The following CCSER1 variants were observed in gnomAD, a reference collection of about 807,000 sequenced individuals.
The protein encoded by CCSER1 is coiled-coil serine rich protein 1.
Under a neutral mutation model 82.0 loss-of-function variants are expected in CCSER1, and 41 were observed. The observed-to-expected ratio is 0.50, with a 90% CI of 0.39 to 0.65. CCSER1 has a LOEUF of 0.65. Ranked by LOEUF, CCSER1 falls within the 30% of genes least tolerant of loss-of-function variation. CCSER1 has a pLI of 0.00. For synonymous variants in CCSER1, 414 were observed against 383.9 expected, an observed-to-expected ratio of 1.08 and a Z score of -0.92; for missense variants, 1,119 against 1,064.2, an observed-to-expected ratio of 1.05 and a Z score of -0.72.
At chr4:90,318,589 G>A (rs1426402626) in intron 3 of CCSER1, among the ~76,000 whole-genome samples, 4 of 152,098 alleles carry the variant, frequency 2.6e-5, no homozygotes, top group East Asian at 1.9e-4. Flanking sequence ...GTTGCAGATC[G>A]TTAGCATCTC....
intron 9 of CCSER1, among the ~76,000 whole-genome samples, chr4:90,932,637 G>T (rs1205148294): frequency 6.6e-6 from 1 of 151,632 alleles, no homozygotes; most frequent in Non-Finnish European, 1.5e-5. Flanking sequence ...AGACCAGCCT[G>T]GCTAACATGG....
chr4:91,166,857 T>C (rs1732138578), intron 10 of CCSER1, among the ~76,000 whole-genome samples: 1 of 152,188 alleles, frequency 6.6e-6, no homozygotes, highest in African/African-American at 2.4e-5. Context: ...TGGGCAGAAA[T>C]AATTTTTTTT....
In CCSER1 at chr4:90,454,210, C is replaced by T. The variant is rs1158398361; in HGVS notation, c.1604-14024C>T. On this transcript the variant is annotated intron_variant, in intron 4 of 10. Transcript: ENST00000509176. ...TGCAAAGAGTCCATTAGAGCCTCTG[C>T]CTTTTCTTTTGTTTCATGTTTTTTT... 2.6e-5 allele frequency among the ~76,000 whole-genome samples: 4 copies of T among 151,540 alleles called. No homozygotes were observed. In the South Asian group the frequency reaches 6.3e-4, roughly 24 times the overall value.
rs1175690764 is a variant in CCSER1 at position 91,296,483 on chromosome 4, A to ATATATATATTTATTTATT, written c.2217+210492_2217+210493insATATATTTATTTATTTAT. Among the ~76,000 whole-genome samples the ATATATATATTTATTTATT allele has an allele frequency of 2.3e-3, 289 of 123,954 alleles. 9 individuals carry two copies. The highest frequency in any genetic ancestry group is 7.2e-3 in the African/African-American group (209 of 29,134). The allele number at this position is 123,954 out of a possible 152,430, so 81.3% of individuals were successfully genotyped here. ...TATATATATGTATATATATATATAT[A>ATATATATATTTATTTATT]TATTTTAATTAAATATACAGTTATC... On this transcript the variant is annotated intron_variant, in intron 10 of 10. Transcript: ENST00000509176.
rs1051494588 is a variant in CCSER1, at chr4:90,460,125, G to A, written c.1604-8109G>A. Among the ~76,000 whole-genome samples the A allele has an allele frequency of 1.1e-4, 16 of 145,916 alleles. 1 individual carries two copies. Among genetic ancestry groups the A allele is most frequent in the African/African-American group, 4.2e-4 (15 of 35,840 alleles). On this transcript the variant is annotated intron_variant, in intron 4 of 10. Transcript: ENST00000509176. Reference sequence around the variant, plus strand: ...GCGGATCACGAGGTCAGGAGATCGAGACCATCCTGGCTAACACGGTGAAAC... The same window carrying A: ...GCGGATCACGAGGTCAGGAGATCGAAACCATCCTGGCTAACACGGTGAAAC...
At chr4:91,100,706 G>T (rs567534352) in intron 10 of CCSER1, among the ~76,000 whole-genome samples, 39 of 152,238 alleles carry the variant, frequency 2.6e-4, no homozygotes, top group Middle Eastern at 3.4e-3. Context: ...AGTGCTTAAG[G>T]ACTATAGGTT....
intron 10 of CCSER1, among the ~76,000 whole-genome samples, chr4:91,118,656 T>A (rs997161717): frequency 1.3e-5 from 2 of 152,308 alleles, no homozygotes; most frequent in East Asian, 3.9e-4. Context: ...CTTTTATGAA[T>A]AAACACATAT....
At chr4:91,070,371 A>G (rs926396699) in intron 9 of CCSER1, among the ~76,000 whole-genome samples, 1 of 152,198 alleles carries the variant, frequency 6.6e-6, no homozygotes, top group African/African-American at 2.4e-5. Context: ...AGTTGAACTC[A>G]GTTTATATTT....
At chr4:91,565,603 G>T (rs964547467) in intron 10 of CCSER1, among the ~76,000 whole-genome samples, 1 of 151,740 alleles carries the variant, frequency 6.6e-6, no homozygotes, top group Non-Finnish European at 1.5e-5. Flanking sequence ...TTTCATTGTA[G>T]AGATCTTTCA....
intron 10 of CCSER1, among the ~76,000 whole-genome samples, chr4:91,579,118 A>ATATTAT (rs925488520): frequency 6.6e-6 from 1 of 150,870 alleles, no homozygotes; most frequent in South Asian, 2.1e-4. Context: ...TATTATTATT[A>ATATTAT]TATTATTATT....
At chr4:90,930,529 G>T (rs1581119852) in intron 9 of CCSER1, among the ~76,000 whole-genome samples, 1 of 151,870 alleles carries the variant, frequency 6.6e-6, no homozygotes, top group Admixed American at 6.6e-5. Flanking sequence ...GGAGAATGGT[G>T]TAAAACCAGG....
At chr4:90,689,299 G>A (rs1044474710) in intron 6 of CCSER1, among the ~76,000 whole-genome samples, 7 of 152,012 alleles carry the variant, frequency 4.6e-5, no homozygotes, top group African/African-American at 1.7e-4. Context: ...ATGCTCTTGG[G>A]CATTCAGTAG....
intron 3 of CCSER1, among the ~76,000 whole-genome samples, chr4:90,392,410 A>C (rs1421331649): frequency 2.6e-5 from 4 of 152,092 alleles, no homozygotes; most frequent in Non-Finnish European, 5.9e-5. Context: ...ATAACTTTTA[A>C]GTTTTAGTAT....
intron 4 of CCSER1, among the ~76,000 whole-genome samples, chr4:90,427,040 T>C (rs1379006312): frequency 6.6e-6 from 1 of 152,016 alleles, no homozygotes; most frequent in Non-Finnish European, 1.5e-5. Context: ...TAAAAGTAAA[T>C]ACTTATCAAA....
At chr4:91,047,167 G>A (rs1242312355) in intron 9 of CCSER1, among the ~76,000 whole-genome samples, 1 of 151,324 alleles carries the variant, frequency 6.6e-6, no homozygotes, top group Non-Finnish European at 1.5e-5. Flanking sequence ...ATTAAGAAGT[G>A]AGAGTTGCAG....
intron 10 of CCSER1, among the ~76,000 whole-genome samples, chr4:91,431,171 A>G (rs1327436620): frequency 6.6e-6 from 1 of 152,048 alleles, no homozygotes; most frequent in Non-Finnish European, 1.5e-5. Flanking sequence ...GGGAGGCGGA[A>G]CTTAGAGTGA....
intron 1 of CCSER1, among the ~76,000 whole-genome samples, chr4:90,256,757 C>T (rs1482876456): frequency 6.6e-6 from 1 of 152,010 alleles, no homozygotes; most frequent in East Asian, 1.9e-4. Context: ...TGTAGTTCCC[C>T]ATTATCTGTG....
intron 6 of CCSER1, among the ~76,000 whole-genome samples, chr4:90,668,250 A>T (rs1247668242): frequency 6.6e-6 from 1 of 152,222 alleles, no homozygotes; most frequent in African/African-American, 2.4e-5. Context: ...CTACTGTCAC[A>T]TGTAGGGAAG....
At chr4:91,021,284 C>G (rs1239723540) in intron 9 of CCSER1, among the ~76,000 whole-genome samples, 1 of 151,984 alleles carries the variant, frequency 6.6e-6, no homozygotes, top group African/African-American at 2.4e-5. Flanking sequence ...TGAAATGATA[C>G]TTTCCATGAG....
Sources: gnomAD v4.1 joint callset for allele counts (sites outside exome capture counted in the v4.1 genomes callset) on GRCh38, gnomAD v4.1.1 for gene constraint, MANE v1.5 for transcripts, NCBI Gene and HGNC (gene_info 2026-07-23, HGNC 2026-07-21) for gene names.